KCND2: variants seen among roughly 807,000 people sequenced by gnomAD.
The protein encoded by KCND2 is potassium voltage-gated channel subfamily D member 2.
Under a neutral mutation model 54.4 loss-of-function variants are expected in KCND2, and 16 were observed. That is an observed-to-expected ratio of 0.29 (90% confidence interval 0.20 to 0.45). The LOEUF (loss-of-function observed/expected upper bound fraction) is 0.45, where lower values mean the gene tolerates loss of function less well. Among genes scored for constraint, KCND2 ranks in the 20% least tolerant of loss-of-function variants. KCND2 has a pLI of 1.00. For missense variants in KCND2, 486 were observed against 824.2 expected (o/e 0.59, Z 5.02); for synonymous variants, 317 against 310.7 (o/e 1.02, Z -0.21).
intron 1 of KCND2, among the ~76,000 whole-genome samples, chr7:120,682,949 A>G (rs1234565819): frequency 6.6e-6 from 1 of 152,104 alleles, no homozygotes; most frequent in Non-Finnish European, 1.5e-5. Flanking sequence ...TGTTCATAGA[A>G]CAACTTGCAA....
chr7:120,484,286 G>A (rs1802658467), intron 1 of KCND2, among the ~76,000 whole-genome samples: 1 of 152,116 alleles, frequency 6.6e-6, no homozygotes, highest in South Asian at 2.1e-4. Flanking sequence ...AGGATTTATA[G>A]ATAGGACTAC....
chr7:120,358,019 T>G (rs560876650), intron 1 of KCND2, among the ~76,000 whole-genome samples: 1 of 152,146 alleles, frequency 6.6e-6, no homozygotes, highest in Non-Finnish European at 1.5e-5. Flanking sequence ...GAAGGTATTA[T>G]GGGTGTTCAG....
chr7:120,589,579 T>C (rs1792644706), intron 1 of KCND2, among the ~76,000 whole-genome samples: 1 of 152,208 alleles, frequency 6.6e-6, no homozygotes, highest in African/African-American at 2.4e-5. Context: ...GGCAGTAAAA[T>C]AATTTTAATG....
chr7:120,739,403 A>C (rs1675127833), intron 2 of KCND2, among the ~76,000 whole-genome samples: 1 of 151,996 alleles, frequency 6.6e-6, no homozygotes, highest in South Asian at 2.1e-4. Flanking sequence ...TGTCCTTTTC[A>C]CTTGCTACTG....
At chr7:120,432,302 T>C (rs1801802904) in intron 1 of KCND2, among the ~76,000 whole-genome samples, 1 of 152,216 alleles carries the variant, frequency 6.6e-6, no homozygotes, top group Admixed American at 6.5e-5. Context: ...TCAGGTGTGT[T>C]TATAGTAGTA....
intron 1 of KCND2, among the ~76,000 whole-genome samples, chr7:120,612,546 G>A (rs934709172): frequency 6.6e-6 from 1 of 152,160 alleles, no homozygotes; most frequent in Non-Finnish European, 1.5e-5. Flanking sequence ...AAACTTTGTT[G>A]TATTATTTTT....
intron 1 of KCND2, among the ~76,000 whole-genome samples, chr7:120,515,878 G>T (rs1178470989): frequency 6.6e-6 from 1 of 152,064 alleles, no homozygotes; most frequent in African/African-American, 2.4e-5. Context: ...AGAGTCAGAA[G>T]AAGAAGAAAG....
rs76441463 is a variant in KCND2 at position 120,282,477 on chromosome 7, A to G, written c.1115+6730A>G. Among the ~76,000 whole-genome samples, 110 of 152,288 alleles carry G rather than the reference A, an allele frequency of 7.2e-4. No homozygotes were observed. In the East Asian group the frequency reaches 0.02, roughly 28 times the overall value. On this transcript the variant is annotated intron_variant, in intron 1 of 5. Transcript: ENST00000331113. Reference sequence around the variant, plus strand: ...ACAAAATGTAAAGATAAATGTAGGTATATATTCTAGCATAACGCAATCCAT... The same window carrying G: ...ACAAAATGTAAAGATAAATGTAGGTGTATATTCTAGCATAACGCAATCCAT...
At chr7:120,608,056 T>C (rs1424594143) in intron 1 of KCND2, among the ~76,000 whole-genome samples, 4 of 151,774 alleles carry the variant, frequency 2.6e-5, no homozygotes, top group African/African-American at 4.8e-5. Flanking sequence ...CCACAAAAGA[T>C]TACAAAATTA....
At chr7:120,327,139 G>T (rs944134781) in intron 1 of KCND2, among the ~76,000 whole-genome samples, 2 of 152,032 alleles carry the variant, frequency 1.3e-5, no homozygotes, top group Non-Finnish European at 2.9e-5. Context: ...CAAGAGAAAA[G>T]ATTTTAAACA....
chr7:120,350,474 C>T (rs1800385439), intron 1 of KCND2, among the ~76,000 whole-genome samples: 1 of 152,024 alleles, frequency 6.6e-6, no homozygotes, highest in African/African-American at 2.4e-5. Context: ...CTTTCATATC[C>T]TATGATTTGT....
chr7:120,429,136 T>C (rs1471090422), intron 1 of KCND2, among the ~76,000 whole-genome samples: 2 of 152,182 alleles, frequency 1.3e-5, no homozygotes, highest in African/African-American at 4.8e-5. Flanking sequence ...CACAGACCTC[T>C]AGGGGGTCCC....
At chr7:120,519,930 T>G (rs373109512) in intron 1 of KCND2, among the ~76,000 whole-genome samples, 6 of 152,156 alleles carry the variant, frequency 3.9e-5, no homozygotes, top group Non-Finnish European at 7.4e-5. Context: ...TTAAGACATA[T>G]AATGATTTTG....
chr7:120,498,455 G>A (rs1305417274), intron 1 of KCND2, among the ~76,000 whole-genome samples: 1 of 151,554 alleles, frequency 6.6e-6, no homozygotes, highest in Admixed American at 6.6e-5. Flanking sequence ...ACTCCAGCCT[G>A]GCGACAGAGC....
At chr7:120,532,509 C>G (rs1791855191) in intron 1 of KCND2, among the ~76,000 whole-genome samples, 1 of 151,890 alleles carries the variant, frequency 6.6e-6, no homozygotes, top group East Asian at 1.9e-4. Context: ...GTCACCAAGT[C>G]AGTTTTGACA....
intron 1 of KCND2, among the ~76,000 whole-genome samples, chr7:120,389,178 T>A (rs893184548): frequency 1.3e-5 from 2 of 151,902 alleles, no homozygotes; most frequent in Non-Finnish European, 2.9e-5. Context: ...TTTGGTAGGA[T>A]AGGCTTACTG....
At chr7:120,304,447 C>CCTCAA (rs752207623) in intron 1 of KCND2, among the ~76,000 whole-genome samples, 9 of 152,132 alleles carry the variant, frequency 5.9e-5, no homozygotes, top group Non-Finnish European at 1.3e-4. Flanking sequence ...ATAACACAAT[C>CCTCAA]CTCAATGTGT....
chr7:120,331,895 A>G (rs891675642), intron 1 of KCND2, among the ~76,000 whole-genome samples: 1 of 152,082 alleles, frequency 6.6e-6, no homozygotes, highest in African/African-American at 2.4e-5. Flanking sequence ...ATTTCTAGTC[A>G]TAGGCTCCCC....
intron 1 of KCND2, among the ~76,000 whole-genome samples, chr7:120,464,582 G>C (rs1489879221): frequency 6.6e-6 from 1 of 152,168 alleles, no homozygotes; most frequent in African/African-American, 2.4e-5. Context: ...AAGTCTGAGT[G>C]GATTTGACTG....
Sources: allele counts gnomAD v4.1 joint callset (sites outside exome capture counted in the v4.1 genomes callset), GRCh38; gene constraint gnomAD v4.1.1; transcripts MANE v1.5; gene names NCBI Gene and HGNC (gene_info 2026-07-23, HGNC 2026-07-21).